Variants in BMPR1B observed in about 807,000 individuals in gnomAD.
BMPR1B encodes bone morphogenetic protein receptor type-1B.
A neutral mutation model predicts 59.1 loss-of-function variants in BMPR1B; 12 were observed. The ratio of observed to expected loss-of-function variants is 0.20; its 90% confidence interval spans 0.13 to 0.33. The LOEUF (loss-of-function observed/expected upper bound fraction) is 0.33. BMPR1B is among the 10% of genes least tolerant of loss of function. BMPR1B has a pLI of 1.00. For missense variants in BMPR1B, 550 were observed against 610.9 expected (o/e 0.90, Z 1.05); for synonymous variants, 237 against 207.3 (o/e 1.14, Z -1.23).
At chr4:94,986,338 GAAAAC>G (rs760873723) in intron 2 of BMPR1B, among the ~76,000 whole-genome samples, 1 of 152,058 alleles carries the variant, frequency 6.6e-6, no homozygotes, top group African/African-American at 2.4e-5. Flanking sequence ...TTAGAGGATG[GAAAAC>G]AAAACAAAAC....
At chr4:94,990,468 A>G (rs1721663154) in intron 2 of BMPR1B, among the ~76,000 whole-genome samples, 1 of 152,264 alleles carries the variant, frequency 6.6e-6, no homozygotes, top group African/African-American at 2.4e-5. Flanking sequence ...TGATGAATGC[A>G]TAAATAAAAC....
intron 3 of BMPR1B, among the ~76,000 whole-genome samples, chr4:95,097,249 AAG>A (rs374222412): frequency 7.6e-4 from 115 of 150,842 alleles, no homozygotes; most frequent in African/African-American, 2.6e-3. Flanking sequence ...AAGAAGAGAG[AAG>A]AGAGGGGAGG....
At chr4:94,932,129 T>A (rs1489223736) in intron 2 of BMPR1B, among the ~76,000 whole-genome samples, 3 of 152,106 alleles carry the variant, frequency 2.0e-5, no homozygotes, top group Non-Finnish European at 4.4e-5. Context: ...TGCCCTAACT[T>A]CTTCTTCCAT....
At chr4:94,797,455 G>A (rs6840605) in intron 1 of BMPR1B, among the ~76,000 whole-genome samples, 84,100 of 152,146 alleles carry the variant, frequency 0.55, 23,393 homozygotes, top group Middle Eastern at 0.7. Context: ...TGTCTATTCT[G>A]TAAACTGAGG....
chr4:95,106,014 G>T (rs1731176162), intron 4 of BMPR1B, among the ~76,000 whole-genome samples: 1 of 152,028 alleles, frequency 6.6e-6, no homozygotes, highest in African/African-American at 2.4e-5. Flanking sequence ...TTCCTGATAA[G>T]CCATTTGGAT....
At chr4:95,031,838 G>T (rs1441449449) in intron 3 of BMPR1B, among the ~76,000 whole-genome samples, 1 of 152,054 alleles carries the variant, frequency 6.6e-6, no homozygotes, top group Non-Finnish European at 1.5e-5. Flanking sequence ...GAGGTGGGAG[G>T]ATTGCTTGAG....
intron 3 of BMPR1B, among the ~76,000 whole-genome samples, chr4:95,028,192 AC>A (rs1319020745): frequency 1.3e-5 from 2 of 152,140 alleles, no homozygotes; most frequent in African/African-American, 4.8e-5. Context: ...TAATGCCAAC[AC>A]CTTTTTCTAT....
At chr4:94,814,802 A>G (rs941908595) in intron 1 of BMPR1B, among the ~76,000 whole-genome samples, 1 of 152,184 alleles carries the variant, frequency 6.6e-6, no homozygotes, top group Admixed American at 6.5e-5. Flanking sequence ...CACAGGATAT[A>G]TTTACCACAC....
intron 1 of BMPR1B, among the ~76,000 whole-genome samples, chr4:94,859,416 G>A (rs1001007753): frequency 2.0e-5 from 3 of 152,124 alleles, no homozygotes; most frequent in Non-Finnish European, 2.9e-5. Context: ...CCACGAGGGA[G>A]GCTTTTAATA....
At chr4:95,086,490 A>G (rs1579054875) in intron 3 of BMPR1B, among the ~76,000 whole-genome samples, 2 of 152,330 alleles carry the variant, frequency 1.3e-5, no homozygotes, top group South Asian at 4.1e-4. Flanking sequence ...TTTTCATGAC[A>G]TGACAAAAAC....
chr4:95,000,070 T>C (rs973023768), intron 3 of BMPR1B, among the ~76,000 whole-genome samples: 1 of 152,222 alleles, frequency 6.6e-6, no homozygotes, highest in African/African-American at 2.4e-5. Flanking sequence ...TATGAAATAT[T>C]GTATATATCA....
chr4:94,779,445 A>G (rs977958906), intron 1 of BMPR1B, among the ~76,000 whole-genome samples: 4 of 152,174 alleles, frequency 2.6e-5, no homozygotes, highest in Non-Finnish European at 5.9e-5. Flanking sequence ...AGTGATAATG[A>G]TCATATTTTT....
At chr4:94,790,136 A>G (rs28496184) in intron 1 of BMPR1B, among the ~76,000 whole-genome samples, 85,878 of 152,054 alleles carry the variant, frequency 0.56, 24,441 homozygotes, top group Middle Eastern at 0.7. Context: ...TAAGGTTTCT[A>G]GTCAGCAGTA....
At chr4:94,953,585 C>G (rs532751037) in intron 2 of BMPR1B, among the ~76,000 whole-genome samples, 2 of 151,606 alleles carry the variant, frequency 1.3e-5, no homozygotes, top group South Asian at 4.1e-4. Context: ...ATATTGGCCC[C>G]CACTCTCTTC....
chr4:94,981,174 G>A (rs1162608142), intron 2 of BMPR1B, among the ~76,000 whole-genome samples: 2 of 151,198 alleles, frequency 1.3e-5, no homozygotes, highest in African/African-American at 4.9e-5. Flanking sequence ...ATTGCTTTGG[G>A]TAGGTAAATA....
chr4:94,963,805 C>T (rs866982385), intron 2 of BMPR1B, among the ~76,000 whole-genome samples: 3 of 151,698 alleles, frequency 2.0e-5, no homozygotes, highest in African/African-American at 4.8e-5. Context: ...GGATTTTTTT[C>T]GCTATTCTAG....
intron 10 of BMPR1B, among the ~76,000 whole-genome samples, chr4:95,139,448 AC>A (rs1734052691): frequency 2.0e-5 from 3 of 152,298 alleles, no homozygotes; most frequent in Admixed American, 2.0e-4. Context: ...AAGCTGTCAG[AC>A]AGGGATGTTT....
chr4:95,017,561 A>G (rs1309071781), intron 3 of BMPR1B, among the ~76,000 whole-genome samples: 1 of 152,252 alleles, frequency 6.6e-6, no homozygotes, highest in Non-Finnish European at 1.5e-5. Context: ...GAGTGTTGTC[A>G]GTCACAGGTA....
At chr4:95,147,237 C>T (rs1316456330) in intron 10 of BMPR1B, among the ~76,000 whole-genome samples, 5 of 151,806 alleles carry the variant, frequency 3.3e-5, no homozygotes, top group Non-Finnish European at 5.9e-5. Context: ...GAATTCTAGC[C>T]GGAAGTGACT....
Sources: gnomAD v4.1 joint callset for allele counts (sites outside exome capture counted in the v4.1 genomes callset) on GRCh38, gnomAD v4.1.1 for gene constraint, MANE v1.5 for transcripts, NCBI Gene and HGNC (gene_info 2026-07-23, HGNC 2026-07-21) for gene names.